Variants in AHCTF1 observed in about 807,000 individuals in gnomAD.
AHCTF1 encodes the protein protein ELYS.
A neutral mutation model predicts 248.4 loss-of-function variants in AHCTF1; 24 were observed. The ratio of observed to expected loss-of-function variants is 0.10; its 90% CI spans 0.07 to 0.14. The LOEUF is 0.14. AHCTF1 is among the 10% of genes least tolerant of loss of function. The pLI, the probability that AHCTF1 is intolerant of heterozygous loss-of-function variation, is 1.00. For synonymous variants in AHCTF1, 786 were observed against 929.8 expected (o/e 0.85, Z 2.81); for missense variants, 2,206 against 2,636.2 (o/e 0.84, Z 3.57).
chr1:246,899,399 T>C (rs1664839368), intron 11 of AHCTF1, 52 bp downstream of exon 11: 1 of 1,407,912 alleles, frequency 7.1e-7, no homozygotes, highest in Admixed American at 2.1e-5. Context: ...AAATCAACTA[T>C]ATTCTAAGAT....
chr1:246,849,150 T>C (rs1386553670), intron 33 of AHCTF1, among the ~76,000 whole-genome samples: 1 of 152,210 alleles, frequency 6.6e-6, no homozygotes, highest in East Asian at 1.9e-4. Context: ...TGAGGGCATG[T>C]AGATGCGCCA....
chr1:246,867,386 C>T (rs767981565), intron 25 of AHCTF1, 35 bp from the exon 26 acceptor site: 3 of 1,358,000 alleles, frequency 2.2e-6, no homozygotes, highest in African/African-American at 1.5e-5. Context: ...TGATGTATCA[C>T]AAGGAGCACT....
chr1:246,879,287 C>A lies in AHCTF1; in HGVS notation c.2661-1985G>T, dbSNP rs534608881. 1.8e-3 allele frequency among the ~76,000 whole-genome samples: 276 copies of A among 152,198 alleles called. 1 individual carries two copies. The highest frequency in any genetic ancestry group is 6.5e-3 in the African/African-American group (272 of 41,528). On this transcript the variant is annotated intron_variant, in intron 21 of 35. Coordinates refer to ENST00000648844, the MANE Select transcript of AHCTF1 (RefSeq NM_001323342.2). ...ATGAAGAGACAAAAAATATCTGGTA[C>A]ACTGTGTTGATAAAAGACATAGCAT...
At chr1:246,891,650 C>A (rs1664212189) in intron 15 of AHCTF1, 129 bp downstream of exon 15, 2 of 961,452 alleles carry the variant, frequency 2.1e-6, no homozygotes. Context: ...CAAACAAAAA[C>A]CCTAGCACTG....
At position 246,849,696 on chromosome 1, in the gene AHCTF1, C is replaced by T. The variant is rs1660552660; in HGVS notation, c.6310G>A (p.Ala2104Thr). Residue 2104 changes from alanine to threonine, a missense_variant, in exon 33 of 36, where the codon GCC becomes ACC. Ala to Thr is a moderately conservative substitution (Grantham distance 58). Around this residue, in one of 6 missense-constraint regions of AHCTF1, gnomAD observed 469 missense variants for 470.0 expected, o/e 1.00. Transcript: ENST00000648844. The part of the protein sequence containing the change: ...SRSSRTRSSK[A>T]ILLPDLSEPN... ...TCAGAAAGGTCCGGCAACAAGATGGCCTTGCTAGACCGAGTCCTGCTGCTG... is the reference window on the plus strand; with the variant it reads ...TCAGAAAGGTCCGGCAACAAGATGGTCTTGCTAGACCGAGTCCTGCTGCTG... The T allele has an allele frequency of 1.9e-6, 3 of 1,613,842 alleles. No individual in the cohort carries two copies. The Admixed American group carries it at 5.0e-5, about 27-fold the overall frequency.
chr1:246,923,142 C>T (rs1278069035), intron 1 of AHCTF1, among the ~76,000 whole-genome samples: 6 of 146,064 alleles, frequency 4.1e-5, no homozygotes, highest in East Asian at 4.0e-4. Context: ...AGGCTGGGCA[C>T]GGTGGCCCAT....
At chr1:246,845,611 T>A (rs1660201756) in intron 33 of AHCTF1, among the ~76,000 whole-genome samples, 1 of 152,222 alleles carries the variant, frequency 6.6e-6, no homozygotes, top group Admixed American at 6.5e-5. Context: ...CCATTTCAAA[T>A]ATATAAGGAA....
rs190979521 is a variant in AHCTF1, at chr1:246,888,037, C to G, written c.2325+140G>C. The G allele has an allele frequency of 2.8e-4, 247 of 886,098 alleles. 3 individuals carry two copies. The highest frequency in any genetic ancestry group is 8.3e-5 in the Non-Finnish European group (48 of 581,660). 54.9% of individuals were successfully genotyped at this position (886,098 alleles called of 1,614,324 possible). A position where few individuals can be genotyped will look rare whatever the true frequency, so the allele number is the denominator to read the frequency against. ...TCACAGGCCATCTGAGCCCAAACAA[C>G]AGATCCTGGGTTAACACCTCTTCTT... On this transcript the variant is annotated intron_variant, in intron 19 of 35. Transcript: ENST00000648844.
At chr1:246,901,626 C>CA (rs1364901607) in intron 8 of AHCTF1, among the ~76,000 whole-genome samples, 59 of 150,044 alleles carry the variant, frequency 3.9e-4, no homozygotes, top group Admixed American at 8.0e-4. Context: ...AAAAACAAAA[C>CA]AAAAAAAAAC....
At chr1:246,871,052 G>C (rs1484333933) in intron 24 of AHCTF1, among the ~76,000 whole-genome samples, 2 of 152,128 alleles carry the variant, frequency 1.3e-5, no homozygotes, top group African/African-American at 2.4e-5. Flanking sequence ...TGACTTATCT[G>C]TCTCATAAAA....
intron 12 of AHCTF1, among the ~76,000 whole-genome samples, chr1:246,896,546 G>A (rs568657066): frequency 6.6e-6 from 1 of 152,164 alleles, no homozygotes; most frequent in African/African-American, 2.4e-5. Context: ...ATGTAAGGCT[G>A]GGTAGGATGG....
chr1:246,859,510 A>C (rs962499132), intron 29 of AHCTF1, among the ~76,000 whole-genome samples: 4 of 152,206 alleles, frequency 2.6e-5, no homozygotes, highest in Admixed American at 1.3e-4. Context: ...GAATAAACAC[A>C]GTAGGAGCTA....
intron 29 of AHCTF1, among the ~76,000 whole-genome samples, 181 bp downstream of exon 29, chr1:246,860,718 C>G (rs1661475569): frequency 6.6e-6 from 1 of 152,122 alleles, no homozygotes; most frequent in African/African-American, 2.4e-5. Flanking sequence ...GTTGACCAGG[C>G]TGGTCTTGAA....
rs181167824 is a variant in AHCTF1 at position 246,861,089 on chromosome 1, G to A, written c.3942C>T (p.Ser1314=). The A allele has an allele frequency of 1.1e-5, 17 of 1,613,978 alleles. No individual in the cohort carries two copies. The highest frequency in any genetic ancestry group is 8.3e-5 in the Admixed American group (5 of 60,014). ...CCTGATACTCTAAGGTAGTCTCATCGGATGTGATTGAAACACTGCTGTTTC... is the reference window on the plus strand; with the variant it reads ...CCTGATACTCTAAGGTAGTCTCATCAGATGTGATTGAAACACTGCTGTTTC... ...SKGNSSVSIT[S]DETTLEYQDA... Residue 1314 remains serine, a synonymous_variant, in exon 29 of 36, where the codon TCC becomes TCT. Coordinates refer to ENST00000648844, the MANE Select transcript of AHCTF1 (RefSeq NM_001323342.2).
intron 5 of AHCTF1, 131 bp from the exon 6 acceptor site, chr1:246,905,788 G>A: frequency 1.5e-6 from 1 of 663,046 alleles, no homozygotes; most frequent in Non-Finnish European, 2.6e-6. Context: ...GTGGGCCATG[G>A]CCAAGTCATC....
intron 33 of AHCTF1, among the ~76,000 whole-genome samples, chr1:246,847,695 T>G (rs1341311497): frequency 6.6e-6 from 1 of 152,176 alleles, no homozygotes. Context: ...AGATGGGGTT[T>G]TTTTGGCCAT....
Position 246,851,267 on chromosome 1 carries a change from T to G in AHCTF1, c.4739A>C (p.Glu1580Ala), listed in dbSNP as rs758986571. 13 of 1,613,960 alleles carry G rather than the reference T, an allele frequency of 8.1e-6. No individual in the cohort carries two copies. In the South Asian group the frequency reaches 1.4e-4, roughly 18 times the overall value. ...AGCCACAAAAAGTTCCCCATCTACTTCAGCAATGTCACATTCAGCAGTGTC... is the reference window on the plus strand; with the variant it reads ...AGCCACAAAAAGTTCCCCATCTACTGCAGCAATGTCACATTCAGCAGTGTC... ...NKDTAECDIA[E>A]VDGELFVAQS... Residue 1580 changes from glutamate (E) to alanine (A), a missense_variant, in exon 33 of 36, where the codon GAA (glutamate) becomes GCA (alanine). Coordinates refer to ENST00000648844, the MANE Select transcript of AHCTF1 (RefSeq NM_001323342.2).
chr1:246,861,208 T>G lies in AHCTF1; in HGVS notation c.3823A>C (p.Arg1275=). 1 of 1,613,678 alleles carries G rather than the reference T, an allele frequency of 6.2e-7. No individual in the cohort carries two copies. The highest frequency in any genetic ancestry group is 8.5e-7 in the Non-Finnish European group (1 of 1,179,968). ...CTGTTCAGGAAAAAAGATGTGGTCC[T>G]ATCTTTGCTCTTCAGCCATTCAGTT... ...VETEWLKSKD[R]TTSFFLNSPE... The change falls in exon 29 of 36, where the codon AGG becomes CGG. Residue 1275 remains arginine, a synonymous_variant. Coordinates refer to ENST00000648844, the MANE Select transcript of AHCTF1 (RefSeq NM_001323342.2).
intron 15 of AHCTF1, 96 bp downstream of exon 15, chr1:246,891,683 T>C: frequency 7.6e-7 from 1 of 1,318,296 alleles, no homozygotes; most frequent in Non-Finnish European, 1.0e-6. Context: ...CCTCTTTACA[T>C]AATGATCCAT....
Sources: allele counts gnomAD v4.1 joint callset (sites outside exome capture counted in the v4.1 genomes callset), GRCh38; gene constraint gnomAD v4.1.1; regional missense constraint gnomAD v4.1.1; transcripts MANE v1.5; gene names NCBI Gene and HGNC (gene_info 2026-07-23, HGNC 2026-07-21).